Variants in TLN2 observed in about 807,000 individuals in gnomAD.
TLN2 encodes talin-2.
In TLN2, 118 loss-of-function variants were observed where a neutral mutation model predicts 294.7. The observed-to-expected ratio is 0.40, with a 90% CI of 0.34 to 0.47. The LOEUF (loss-of-function observed/expected upper bound fraction) is 0.47. Among genes scored for constraint, TLN2 ranks in the 20% least tolerant of loss-of-function variants. The pLI is 0.84. For missense variants in TLN2, 3,083 were observed against 3,282.2 expected (o/e 0.94, Z 1.48); for synonymous variants, 1,431 against 1,304.5 (o/e 1.10, Z -2.09).
At chr15:62,427,864 T>A (rs866322786) in intron 1 of TLN2, among the ~76,000 whole-genome samples, 54 of 152,230 alleles carry the variant, frequency 3.5e-4, no homozygotes, top group African/African-American at 1.2e-3. Context: ...ACCCAGCTTC[T>A]TACCTGAAAA....
intron 3 of TLN2, among the ~76,000 whole-genome samples, chr15:62,629,650 T>C (rs2049602333): frequency 6.6e-6 from 1 of 152,208 alleles, no homozygotes; most frequent in Non-Finnish European, 1.5e-5. Context: ...AGCAGTTTTA[T>C]TTTGTTTGCA....
chr15:62,693,639 G>A (rs2058093385), intron 13 of TLN2, among the ~76,000 whole-genome samples: 1 of 151,478 alleles, frequency 6.6e-6, no homozygotes, highest in African/African-American at 2.4e-5. Flanking sequence ...GGGGTTATAT[G>A]CCATAGTGGT....
At chr15:62,611,885 G>C (rs2140825581) in intron 2 of TLN2, among the ~76,000 whole-genome samples, 1 of 152,268 alleles carries the variant, frequency 6.6e-6, no homozygotes, top group African/African-American at 2.4e-5. Flanking sequence ...TGATTTTTGT[G>C]AGGATTAAAT....
At position 62,692,810 on chromosome 15, in the gene TLN2, G is replaced by T. The variant is rs1465082564; in HGVS notation, c.1114-30G>T. ...TTAAAATGCTGATATATCTGATTTG[G>T]CTATATTTCCTCCATTGCTGTCTTT... On this transcript the variant is annotated intron_variant, in intron 12 of 58. Transcript: ENST00000636159. The T allele has an allele frequency of 1.9e-6, 3 of 1,572,320 alleles. No homozygotes were observed. In the South Asian group the frequency reaches 3.3e-5, roughly 18 times the overall value.
intron 21 of TLN2, among the ~76,000 whole-genome samples, chr15:62,710,720 C>CTTTTT (rs71287048): frequency 0.021 from 1,602 of 77,050 alleles, 2 homozygotes; most frequent in East Asian, 0.039. Context: ...TGCTGATGTC[C>CTTTTT]TTTTTTTTTT....
At chr15:62,553,351 G>C (rs2042428258) in intron 1 of TLN2, among the ~76,000 whole-genome samples, 1 of 152,194 alleles carries the variant, frequency 6.6e-6, no homozygotes, top group South Asian at 2.1e-4. Context: ...TAGGCGTGAT[G>C]GTGGGTGCCT....
intron 28 of TLN2, among the ~76,000 whole-genome samples, chr15:62,735,635 T>A (rs1287308232): frequency 6.6e-6 from 1 of 152,244 alleles, no homozygotes; most frequent in African/African-American, 2.4e-5. Context: ...GCCAGTGGAA[T>A]GTGTAATGGT....
chr15:62,603,548 T>C (rs1290660854), intron 2 of TLN2, among the ~76,000 whole-genome samples: 1 of 152,216 alleles, frequency 6.6e-6, no homozygotes, highest in Non-Finnish European at 1.5e-5. Flanking sequence ...ATTTGGGTAG[T>C]TTCCATCTTT....
intron 45 of TLN2, among the ~76,000 whole-genome samples, chr15:62,789,423 T>C (rs977220722): frequency 3.9e-5 from 6 of 152,312 alleles, no homozygotes; most frequent in African/African-American, 1.4e-4. Flanking sequence ...AGCTGCACCA[T>C]TGATCATATA....
intron 11 of TLN2, among the ~76,000 whole-genome samples, chr15:62,683,267 C>A (rs1485410137): frequency 6.6e-6 from 1 of 152,186 alleles, no homozygotes; most frequent in African/African-American, 2.4e-5. Flanking sequence ...AGAGGTGATG[C>A]AGAATCAGGC....
chr15:62,404,657 G>A (rs1432815371), intron 1 of TLN2, among the ~76,000 whole-genome samples: 1 of 152,174 alleles, frequency 6.6e-6, no homozygotes, highest in East Asian at 1.9e-4. Context: ...TCATATAAAT[G>A]AGGCTATTTC....
At chr15:62,679,846 G>A (rs1224560897) in intron 11 of TLN2, among the ~76,000 whole-genome samples, 1 of 152,148 alleles carries the variant, frequency 6.6e-6, no homozygotes, top group Non-Finnish European at 1.5e-5. Context: ...ACTTGTGTGT[G>A]TTTAGTTCCA....
At chr15:62,617,160 T>C (rs2048377170) in intron 2 of TLN2, among the ~76,000 whole-genome samples, 1 of 151,608 alleles carries the variant, frequency 6.6e-6, no homozygotes, top group Non-Finnish European at 1.5e-5. Flanking sequence ...AGGAGTGGGG[T>C]CAGTTGCTTT....
intron 1 of TLN2, among the ~76,000 whole-genome samples, chr15:62,548,448 C>T (rs2042116199): frequency 6.6e-6 from 1 of 152,146 alleles, no homozygotes; most frequent in Admixed American, 6.5e-5. Flanking sequence ...GGCTCAATAA[C>T]TGGAAAAAGA....
At chr15:62,792,902 T>C in intron 46 of TLN2, 115 bp downstream of exon 46, 1 of 1,485,506 alleles carries the variant, frequency 6.7e-7, no homozygotes, top group Non-Finnish European at 9.0e-7. Flanking sequence ...CTGACTCAGC[T>C]GTCTCATCCC....
At chr15:62,525,883 C>G (rs2040709410) in intron 1 of TLN2, among the ~76,000 whole-genome samples, 1 of 152,128 alleles carries the variant, frequency 6.6e-6, no homozygotes, top group Non-Finnish European at 1.5e-5. Context: ...GGCAGTCTGT[C>G]AGAGCTCTTG....
chr15:62,604,757 A>G (rs1008912905), intron 2 of TLN2, among the ~76,000 whole-genome samples: 3 of 149,868 alleles, frequency 2.0e-5, no homozygotes, highest in Non-Finnish European at 4.4e-5. Flanking sequence ...AGCTCATATT[A>G]TGCGATAAGG....
intron 1 of TLN2, among the ~76,000 whole-genome samples, chr15:62,393,962 G>C (rs985253283): frequency 2.0e-5 from 3 of 151,644 alleles, no homozygotes; most frequent in African/African-American, 7.3e-5. Flanking sequence ...TTTTAGTAGA[G>C]ACAGGGTTTC....
chr15:62,497,652 G>A (rs373038370), intron 1 of TLN2, among the ~76,000 whole-genome samples: 92 of 152,318 alleles, frequency 6.0e-4, no homozygotes, highest in African/African-American at 2.1e-3. Flanking sequence ...TGATAGCAAA[G>A]GCCTAGTTGC....
Sources: gnomAD v4.1 joint callset for allele counts (sites outside exome capture counted in the v4.1 genomes callset) on GRCh38, gnomAD v4.1.1 for gene constraint, MANE v1.5 for transcripts, NCBI Gene and HGNC (gene_info 2026-07-23, HGNC 2026-07-21) for gene names.